CHD6: variants seen among roughly 807,000 people sequenced by gnomAD.
CHD6 encodes the protein chromodomain helicase DNA binding protein 6.
Under a neutral mutation model 276.9 loss-of-function variants are expected in CHD6, and 50 were observed. The observed-to-expected ratio is 0.18, with a 90% CI of 0.14 to 0.23. The LOEUF is 0.23. CHD6 is among the 10% of genes least tolerant of loss of function. The probability of loss-of-function intolerance (pLI) is 1.00; values close to 1 mark genes in which losing one functional copy is unlikely to be tolerated. For missense variants in CHD6, 2,564 were observed against 3,365.8 expected (o/e 0.76, Z 5.89); for synonymous variants, 1,173 against 1,229.3 (o/e 0.95, Z 0.96).
intron 17 of CHD6, among the ~76,000 whole-genome samples, chr20:41,468,288 T>C (rs1479321382): frequency 6.6e-6 from 1 of 152,102 alleles, no homozygotes; most frequent in Non-Finnish European, 1.5e-5. Flanking sequence ...TTTTGTATTT[T>C]TAGTAGAGAC....
intron 3 of CHD6, among the ~76,000 whole-genome samples, chr20:41,532,284 G>C (rs2044704688): frequency 6.6e-6 from 1 of 152,158 alleles, no homozygotes; most frequent in Non-Finnish European, 1.5e-5. Flanking sequence ...CAAGCACTGT[G>C]CTAGACAATG....
intron 30 of CHD6, 51 bp from the exon 31 acceptor site, chr20:41,422,130 C>T (rs1164494370): frequency 6.5e-7 from 1 of 1,535,832 alleles, no homozygotes; most frequent in African/African-American, 1.4e-5. Context: ...CTCAGACACT[C>T]CCCGCCCACC....
chr20:41,547,771 A>G (rs2045070907), intron 2 of CHD6: 1 of 532,414 alleles, frequency 1.9e-6, no homozygotes, highest in Non-Finnish European at 3.7e-6. Context: ...CGACAGATGC[A>G]GCACCAATCT....
intron 17 of CHD6, among the ~76,000 whole-genome samples, chr20:41,465,629 A>G (rs1183325479): frequency 6.6e-6 from 1 of 152,218 alleles, no homozygotes; most frequent in African/African-American, 2.4e-5. Flanking sequence ...AGGTCTGTAG[A>G]TTAGTTAAAG....
chr20:41,484,815 T>C (rs1290674325), intron 14 of CHD6, among the ~76,000 whole-genome samples: 1 of 152,074 alleles, frequency 6.6e-6, no homozygotes, highest in Non-Finnish European at 1.5e-5. Context: ...TCACAAGCAA[T>C]TACTGAGAAT....
intron 5 of CHD6, among the ~76,000 whole-genome samples, chr20:41,508,470 G>A (rs2044032691): frequency 1.3e-5 from 2 of 152,156 alleles, no homozygotes; most frequent in African/African-American, 2.4e-5. Flanking sequence ...CGACTGGGGA[G>A]AGCAGAGACT....
chr20:41,612,009 T>G (rs2146308676), intron 1 of CHD6, among the ~76,000 whole-genome samples: 1 of 152,276 alleles, frequency 6.6e-6, no homozygotes, highest in South Asian at 2.1e-4. Context: ...AAGAAGTAGT[T>G]TTTGGTTTTG....
Position 41,502,872 on chromosome 20 carries a change from G to A in CHD6, c.853-3515C>T, listed in dbSNP as rs2043870594. Among the ~76,000 whole-genome samples, 3 of 152,284 alleles carry A rather than the reference G, an allele frequency of 2.0e-5. No homozygotes were observed. In the South Asian group the frequency reaches 6.2e-4, roughly 32 times the overall value. On this transcript the variant is annotated intron_variant, in intron 5 of 36. Coordinates refer to ENST00000373233, the MANE Select transcript of CHD6 (RefSeq NM_032221.5). ...AATACAAAAATTAGCGTGGCGTGGT[G>A]GTGCACGCCTATAGTCCCAGCTATT...
At chr20:41,488,758 A>T (rs2043478333) in intron 12 of CHD6, among the ~76,000 whole-genome samples, 154 bp from the exon 13 acceptor site, 1 of 152,240 alleles carries the variant, frequency 6.6e-6, no homozygotes, top group African/African-American at 2.4e-5. Context: ...GAATATAAGA[A>T]TTAACGAGCT....
intron 23 of CHD6, among the ~76,000 whole-genome samples, chr20:41,449,130 T>C (rs1385288999): frequency 6.6e-6 from 1 of 152,216 alleles, no homozygotes; most frequent in Non-Finnish European, 1.5e-5. Flanking sequence ...CTTGAACTCC[T>C]GATCTCAGGT....
intron 2 of CHD6, among the ~76,000 whole-genome samples, chr20:41,537,651 AAAAG>A (rs2044861527): frequency 6.6e-6 from 1 of 152,258 alleles, no homozygotes; most frequent in African/African-American, 2.4e-5. Flanking sequence ...TCAATAATAA[AAAAG>A]AACCAAATTC....
In CHD6 at chr20:41,568,040, CT is replaced by C. The variant is rs568781238; in HGVS notation, c.-23-16681del. 6.0e-4 allele frequency among the ~76,000 whole-genome samples: 91 copies of C among 152,212 alleles called. 1 individual carries two copies. The highest frequency in any genetic ancestry group is 2.1e-3 in the African/African-American group (87 of 41,526). ...AAAGAATAAAAGTAAAAAAGCAAGG[CT>C]GTAGCAGAGGATGGTTTCAATCCAA... On this transcript the variant is annotated intron_variant, in intron 1 of 36. Coordinates refer to ENST00000373233, the MANE Select transcript of CHD6 (RefSeq NM_032221.5).
At chr20:41,552,550 A>C (rs972345636) in intron 1 of CHD6, among the ~76,000 whole-genome samples, 1 of 152,234 alleles carries the variant, frequency 6.6e-6, no homozygotes, top group African/African-American at 2.4e-5. Flanking sequence ...TTTGCAATTT[A>C]AAAAAGATTA....
intron 1 of CHD6, among the ~76,000 whole-genome samples, chr20:41,616,444 C>T (rs1216667793): frequency 1.3e-5 from 2 of 152,178 alleles, no homozygotes; most frequent in Non-Finnish European, 2.9e-5. Flanking sequence ...TTACTTCGCC[C>T]ATGGCCAGAC....
intron 1 of CHD6, among the ~76,000 whole-genome samples, chr20:41,586,821 T>C (rs911957337): frequency 1.3e-5 from 2 of 152,194 alleles, no homozygotes; most frequent in African/African-American, 4.8e-5. Context: ...GAACAAAAGG[T>C]AACTTCCTCA....
At chr20:41,604,342 A>G (rs1317909397) in intron 1 of CHD6, among the ~76,000 whole-genome samples, 1 of 152,218 alleles carries the variant, frequency 6.6e-6, no homozygotes, top group African/African-American at 2.4e-5. Context: ...CTAGAAGGAC[A>G]TAAGACCAAT....
intron 14 of CHD6, among the ~76,000 whole-genome samples, chr20:41,484,976 G>A (rs1161956114): frequency 2.0e-5 from 3 of 152,212 alleles, no homozygotes; most frequent in East Asian, 3.9e-4. Flanking sequence ...AATTATGTTC[G>A]GAGGTATGAG....
At chr20:41,415,713 G>A in intron 33 of CHD6, 75 bp from the exon 34 acceptor site, 1 of 1,110,080 alleles carries the variant, frequency 9.0e-7, no homozygotes, top group South Asian at 1.5e-5. Context: ...CTCCAGGCCT[G>A]ATTTCCCTAG....
chr20:41,610,596 C>T (rs1163435841), intron 1 of CHD6, among the ~76,000 whole-genome samples: 3 of 151,996 alleles, frequency 2.0e-5, no homozygotes, highest in African/African-American at 7.2e-5. Context: ...CCCGTCTCTA[C>T]TAAAAATACA....
Sources: allele counts gnomAD v4.1 joint callset (sites outside exome capture counted in the v4.1 genomes callset), GRCh38; gene constraint gnomAD v4.1.1; transcripts MANE v1.5; gene names NCBI Gene and HGNC (gene_info 2026-07-23, HGNC 2026-07-21).